Variants in ERBB4 observed in about 807,000 individuals in gnomAD.
ERBB4 encodes receptor tyrosine-protein kinase erbB-4.
Under a neutral mutation model 158.0 loss-of-function variants are expected in ERBB4, and 42 were observed. The ratio of observed to expected loss-of-function variants is 0.27; its 90% CI spans 0.21 to 0.34. The LOEUF is 0.34. ERBB4 is among the 10% of genes least tolerant of loss of function. The probability of loss-of-function intolerance (pLI) is 1.00; values close to 1 mark genes in which losing one functional copy is unlikely to be tolerated. For missense variants in ERBB4, 1,333 were observed against 1,624.1 expected, an observed-to-expected ratio of 0.82 and a Z score of 3.08; for synonymous variants, 583 against 558.7, an observed-to-expected ratio of 1.04 and a Z score of -0.61.
chr2:212,440,454 C>G (rs1204701091), intron 1 of ERBB4, among the ~76,000 whole-genome samples: 2 of 152,158 alleles, frequency 1.3e-5, no homozygotes, highest in African/African-American at 4.8e-5. Context: ...TTGCAGGCAG[C>G]CTGTTGTGGG....
At chr2:211,861,529 C>T (rs981733304) in intron 3 of ERBB4, among the ~76,000 whole-genome samples, 5 of 151,442 alleles carry the variant, frequency 3.3e-5, no homozygotes, top group Admixed American at 2.0e-4. Context: ...GGAACCCAAA[C>T]ACAATTTGAA....
intron 20 of ERBB4, among the ~76,000 whole-genome samples, chr2:211,493,269 C>T (rs1559223879): frequency 6.6e-6 from 1 of 151,986 alleles, no homozygotes; most frequent in Non-Finnish European, 1.5e-5. Context: ...AAACAAATTC[C>T]TAATTTATTT....
chr2:211,569,153 A>G (rs1164950021), intron 19 of ERBB4, among the ~76,000 whole-genome samples: 1 of 152,158 alleles, frequency 6.6e-6, no homozygotes, highest in Non-Finnish European at 1.5e-5. Flanking sequence ...TTCCATCTCT[A>G]TTCTACATCA....
chr2:211,840,017 A>G (rs2077435296), intron 3 of ERBB4, among the ~76,000 whole-genome samples: 1 of 152,130 alleles, frequency 6.6e-6, no homozygotes, highest in South Asian at 2.1e-4. Flanking sequence ...ATCATGAAGG[A>G]AAAACTGAAG....
chr2:211,949,921 T>G (rs1411783809), intron 2 of ERBB4, among the ~76,000 whole-genome samples: 2 of 152,168 alleles, frequency 1.3e-5, no homozygotes, highest in East Asian at 1.9e-4. Flanking sequence ...ATTCGTAACC[T>G]GTCTCTTTTT....
intron 1 of ERBB4, among the ~76,000 whole-genome samples, chr2:212,145,663 C>T (rs1434880660): frequency 2.9e-5 from 4 of 137,494 alleles, no homozygotes; most frequent in Non-Finnish European, 6.2e-5. Flanking sequence ...ACCTGAGATT[C>T]AACAGCTAAG....
chr2:212,026,334 G>T (rs1280737654), intron 2 of ERBB4, among the ~76,000 whole-genome samples: 2 of 151,566 alleles, frequency 1.3e-5, no homozygotes, highest in Non-Finnish European at 3.0e-5. Context: ...ATTGAACATT[G>T]TCTTGATAAT....
At chr2:212,262,581 T>A (rs536106032) in intron 1 of ERBB4, among the ~76,000 whole-genome samples, 1 of 152,166 alleles carries the variant, frequency 6.6e-6, no homozygotes, top group Non-Finnish European at 1.5e-5. Flanking sequence ...TTCCAATGCT[T>A]TGAATAAAGG....
At chr2:211,701,096 A>T (rs1241358398) in intron 12 of ERBB4, among the ~76,000 whole-genome samples, 1 of 152,224 alleles carries the variant, frequency 6.6e-6, no homozygotes, top group African/African-American at 2.4e-5. Context: ...CAGAGTAAAT[A>T]AGAAATTATT....
chr2:212,266,809 G>C (rs1263491163), intron 1 of ERBB4, among the ~76,000 whole-genome samples: 2 of 151,798 alleles, frequency 1.3e-5, no homozygotes, highest in African/African-American at 2.4e-5. Flanking sequence ...TTATAAATTA[G>C]GTTTTAGATT....
rs2062473680 is a variant in ERBB4, at chr2:211,376,381, A to ATGTC, written c.*7230_*7233dup. The ATGTC allele has an allele frequency of 4.3e-6, 1 of 232,914 alleles. No individual in the cohort carries two copies. The highest frequency in any genetic ancestry group is 8.5e-6 in the Non-Finnish European group (1 of 117,632). 14.4% of individuals were successfully genotyped at this position (232,914 alleles called of 1,614,324 possible). ...TACTTATTTACAAATGCAACTAGCCATGTCTTTAACAAGCTATAAAAATAC... is the reference window on the plus strand; with the variant it reads ...TACTTATTTACAAATGCAACTAGCCATGTCTGTCTTTAACAAGCTATAAAAATAC... On this transcript the variant is annotated 3_prime_UTR_variant, in exon 28 of 28. Transcript: ENST00000342788.
At chr2:212,211,928 T>C (rs539183832) in intron 1 of ERBB4, among the ~76,000 whole-genome samples, 1 of 146,734 alleles carries the variant, frequency 6.8e-6, no homozygotes, top group Non-Finnish European at 1.5e-5. Flanking sequence ...TTCCATGTTG[T>C]ATATGTACCA....
At chr2:212,381,652 C>T (rs957321211) in intron 1 of ERBB4, among the ~76,000 whole-genome samples, 8 of 151,168 alleles carry the variant, frequency 5.3e-5, no homozygotes, top group South Asian at 2.1e-4. Flanking sequence ...TTATTCATGA[C>T]GGAATCATAT....
At chr2:212,302,739 T>A (rs1027663756) in intron 1 of ERBB4, among the ~76,000 whole-genome samples, 1 of 151,560 alleles carries the variant, frequency 6.6e-6, no homozygotes, top group African/African-American at 2.4e-5. Context: ...ATTTTAGATT[T>A]GCCTAAGTAA....
chr2:212,129,738 A>C (rs762102456), intron 1 of ERBB4, among the ~76,000 whole-genome samples: 3 of 151,922 alleles, frequency 2.0e-5, no homozygotes, highest in Non-Finnish European at 4.4e-5. Context: ...TTTTGACAAA[A>C]AAAGATCCTC....
intron 5 of ERBB4, among the ~76,000 whole-genome samples, chr2:211,733,624 G>T (rs777058826): frequency 1.2e-4 from 18 of 150,736 alleles, no homozygotes; most frequent in Non-Finnish European, 2.1e-4. Flanking sequence ...TTAAATCACT[G>T]TGCATTATAA....
At position 211,619,167 on chromosome 2, in the gene ERBB4, C is replaced by T. The variant is rs2125846884; in HGVS notation, c.2301+10G>A. 2 of 1,513,738 alleles carry T rather than the reference C, an allele frequency of 1.3e-6. No homozygotes were observed. The highest frequency in any genetic ancestry group is 1.8e-6 in the Non-Finnish European group (2 of 1,088,684). 93.8% of individuals were successfully genotyped at this position (1,513,738 alleles called of 1,614,324 possible). A position where few individuals can be genotyped will look rare whatever the true frequency, so the allele number is the denominator to read the frequency against. On this transcript the variant is annotated intron_variant, in intron 19 of 27. Coordinates refer to ENST00000342788, the MANE Select transcript of ERBB4 (RefSeq NM_005235.3). Reference sequence around the variant, plus strand: ...GAGAAAAATGTGATTGCCTGGGTGTCTGTACTTACATCCATGAACTCCACA... The same window carrying T: ...GAGAAAAATGTGATTGCCTGGGTGTTTGTACTTACATCCATGAACTCCACA...
intron 19 of ERBB4, among the ~76,000 whole-genome samples, chr2:211,595,242 G>A (rs1293501490): frequency 6.6e-6 from 1 of 152,210 alleles, no homozygotes; most frequent in African/African-American, 2.4e-5. Context: ...AGAATTTGCA[G>A]TGTGAGAGAC....
intron 1 of ERBB4, among the ~76,000 whole-genome samples, chr2:212,380,809 T>A (rs1321396712): frequency 1.3e-5 from 2 of 151,154 alleles, no homozygotes; most frequent in African/African-American, 4.8e-5. Context: ...TGATGACATT[T>A]GGTTATAATT....
Sources: gnomAD v4.1 joint callset for allele counts (sites outside exome capture counted in the v4.1 genomes callset) on GRCh38, gnomAD v4.1.1 for gene constraint, MANE v1.5 for transcripts, NCBI Gene and HGNC (gene_info 2026-07-23, HGNC 2026-07-21) for gene names.